The following CHRM3 variants were observed in gnomAD, a reference collection of about 807,000 sequenced individuals.
CHRM3 encodes the protein cholinergic receptor muscarinic 3, also known as muscarinic acetylcholine receptor M3.
CHRM3 carries 11 observed loss-of-function variants against 41.8 expected under a neutral mutation model. That is an observed-to-expected ratio of 0.26 (90% CI 0.17 to 0.44). The LOEUF (loss-of-function observed/expected upper bound fraction) is 0.44. CHRM3 is among the 20% of genes least tolerant of loss of function. The probability of loss-of-function intolerance (pLI) is 1.00; values close to 1 mark genes in which losing one functional copy is unlikely to be tolerated. For synonymous variants in CHRM3, 297 were observed against 301.4 expected, an observed-to-expected ratio of 0.99 and a Z score of 0.15; for missense variants, 571 against 745.4, an observed-to-expected ratio of 0.77 and a Z score of 2.72.
chr1:239,740,211 C>A (rs1331716170), intron 5 of CHRM3, among the ~76,000 whole-genome samples: 1 of 152,152 alleles, frequency 6.6e-6, no homozygotes, highest in Non-Finnish European at 1.5e-5. Context: ...ATAGGATATA[C>A]TCTAGTCCAA....
chr1:239,792,909 CA>C lies in CHRM3; in HGVS notation c.-146-34342del, dbSNP rs542773429. ...TTCGCCTTTGTTTGTGGCCTAGTTA[CA>C]GATGCTGTGAAATAGAAAATGATCA... On this transcript the variant is annotated intron_variant, in intron 5 of 6. Coordinates refer to ENST00000676153, the MANE Select transcript of CHRM3 (RefSeq NM_001375978.1). Among the ~76,000 whole-genome samples the C allele has an allele frequency of 1.0e-3, 155 of 152,274 alleles. 1 individual carries two copies. The highest frequency in any genetic ancestry group is 1.7e-3 in the Non-Finnish European group (117 of 68,028).
rs149010526 is a variant in CHRM3 at position 239,797,009 on chromosome 1, A to G, written c.-146-30243A>G. Among the ~76,000 whole-genome samples the G allele has an allele frequency of 2.7e-3, 404 of 152,318 alleles. 1 individual carries two copies. Among genetic ancestry groups the G allele is most frequent in the African/African-American group, 9.0e-3 (375 of 41,570 alleles). The stretch of plus-strand genomic sequence containing the variant: ...ATATGTTTTGCATCAAGAGTAGGAC[A>G]ATACACAGTAATGAAAAAGAATGAA... On this transcript the variant is annotated intron_variant, in intron 5 of 6. Coordinates refer to ENST00000676153, the MANE Select transcript of CHRM3 (RefSeq NM_001375978.1).
chr1:239,620,632 T>C (rs981550983), intron 3 of CHRM3, among the ~76,000 whole-genome samples: 4 of 152,106 alleles, frequency 2.6e-5, no homozygotes, highest in African/African-American at 9.7e-5. Flanking sequence ...CTATAACATA[T>C]AAATCATAAT....
chr1:239,908,786 C>T lies in CHRM3; in HGVS notation c.1335C>T (p.Ser445=). ...CAGCTAAGACTTCTGACGTCAACTC[C>T]TCAGTGGGTAAGAGCACGGCCACTC... ...VDTAKTSDVN[S]SVGKSTATLP... is the part of the protein sequence containing the mutation. Residue 445 remains serine, a synonymous_variant, in exon 7 of 7, where the codon TCC becomes TCT. Coordinates refer to ENST00000676153, the MANE Select transcript of CHRM3 (RefSeq NM_001375978.1). This position sits in a 1 kb window ranked among gnomAD's most constrained non-coding sequence, Gnocchi z 7.2. The T allele has an allele frequency of 5.6e-6, 9 of 1,614,158 alleles. No individual in the cohort carries two copies. The highest frequency in any genetic ancestry group is 7.6e-6 in the Non-Finnish European group (9 of 1,180,042).
chr1:239,877,890 C>CTTT (rs576152253), intron 6 of CHRM3, among the ~76,000 whole-genome samples: 1 of 139,002 alleles, frequency 7.2e-6, no homozygotes, highest in Non-Finnish European at 1.6e-5. Flanking sequence ...TTATTTCTTT[C>CTTT]TTTTTTTTTT....
chr1:239,692,138 C>T (rs1659779496), intron 5 of CHRM3, among the ~76,000 whole-genome samples: 2 of 152,146 alleles, frequency 1.3e-5, no homozygotes, highest in Admixed American at 6.5e-5. Context: ...TAAATAGTAA[C>T]AGGCTGGTAT....
intron 3 of CHRM3, among the ~76,000 whole-genome samples, chr1:239,588,662 C>T (rs924062761): frequency 1.5e-4 from 23 of 152,100 alleles, no homozygotes; most frequent in African/African-American, 5.6e-4. Context: ...TGCTTTTGTC[C>T]TGTGACAAAA....
At chr1:239,839,603 G>T (rs912853786) in intron 6 of CHRM3, among the ~76,000 whole-genome samples, 2 of 152,218 alleles carry the variant, frequency 1.3e-5, no homozygotes, top group African/African-American at 4.8e-5. Context: ...AAGATTCCAT[G>T]TCAGAATATG....
intron 5 of CHRM3, among the ~76,000 whole-genome samples, chr1:239,818,495 C>T (rs1475897767): frequency 5.3e-5 from 8 of 152,160 alleles, no homozygotes; most frequent in East Asian, 3.9e-4. Flanking sequence ...CATATGGATG[C>T]GTCTGCCTCA....
At chr1:239,814,490 C>A (rs905769423) in intron 5 of CHRM3, among the ~76,000 whole-genome samples, 2 of 152,174 alleles carry the variant, frequency 1.3e-5, no homozygotes, top group African/African-American at 4.8e-5. Flanking sequence ...GCCCTCACCA[C>A]GGGAGGAAAT....
intron 1 of CHRM3, among the ~76,000 whole-genome samples, chr1:239,418,292 C>A (rs888109915): frequency 1.3e-5 from 2 of 152,070 alleles, no homozygotes; most frequent in Admixed American, 6.6e-5. Context: ...AAATCAAGAT[C>A]AAGTTTTTAA....
chr1:239,434,779 G>T (rs923965661), intron 1 of CHRM3, among the ~76,000 whole-genome samples: 1 of 152,166 alleles, frequency 6.6e-6, no homozygotes, highest in Admixed American at 6.5e-5. Context: ...GAGGGAGAAG[G>T]AGAGAAAGAG....
At chr1:239,460,283 C>G (rs148461733) in intron 1 of CHRM3, among the ~76,000 whole-genome samples, 4 of 152,192 alleles carry the variant, frequency 2.6e-5, no homozygotes, top group Non-Finnish European at 5.9e-5. Flanking sequence ...TCTGCCCTTT[C>G]TTGAGTATGG....
At chr1:239,425,437 TA>T (rs374556598) in intron 1 of CHRM3, among the ~76,000 whole-genome samples, 9,628 of 146,852 alleles carry the variant, frequency 0.066, 345 homozygotes, top group African/African-American at 0.11. Context: ...CTTACCAAAG[TA>T]AAAAAAAAAA....
chr1:239,724,068 T>G (rs751912486), intron 5 of CHRM3, among the ~76,000 whole-genome samples: 5 of 151,850 alleles, frequency 3.3e-5, no homozygotes, highest in Non-Finnish European at 4.4e-5. Context: ...TGCCTTTTTT[T>G]TTTCCATCCA....
intron 5 of CHRM3, among the ~76,000 whole-genome samples, chr1:239,765,085 A>G (rs1667095859): frequency 6.6e-6 from 1 of 152,234 alleles, no homozygotes. Context: ...AGGGGTTATT[A>G]GTAATTCCTA....
chr1:239,640,851 T>A (rs1671055505), intron 4 of CHRM3, among the ~76,000 whole-genome samples: 1 of 148,562 alleles, frequency 6.7e-6, no homozygotes, highest in African/African-American at 2.5e-5. Context: ...CTTTTAATTG[T>A]GATGTTAGGG....
At chr1:239,631,129 A>G (rs1384139812) in intron 3 of CHRM3, among the ~76,000 whole-genome samples, 1 of 152,206 alleles carries the variant, frequency 6.6e-6, no homozygotes, top group Non-Finnish European at 1.5e-5. Context: ...CTGAAGAAGG[A>G]GCAATTACTC....
chr1:239,759,967 T>A (rs1022877155), intron 5 of CHRM3, among the ~76,000 whole-genome samples: 1 of 152,104 alleles, frequency 6.6e-6, no homozygotes, highest in Admixed American at 6.5e-5. Flanking sequence ...TAGGCTGGAG[T>A]GCAGTGGCGC....
Sources: gnomAD v4.1 joint callset for allele counts (sites outside exome capture counted in the v4.1 genomes callset) on GRCh38, gnomAD v4.1.1 for gene constraint, Gnocchi (gnomAD v3.1) non-coding constraint, MANE v1.5 for transcripts, NCBI Gene and HGNC (gene_info 2026-07-23, HGNC 2026-07-21) for gene names.